The following ZBTB16 variants were observed in gnomAD, a reference collection of about 807,000 sequenced individuals.
The protein encoded by ZBTB16 is zinc finger and BTB domain containing 16.
In ZBTB16, 8 loss-of-function variants were observed where a neutral mutation model predicts 56.8. The ratio of observed to expected loss-of-function variants is 0.14; its 90% CI spans 0.08 to 0.25. The LOEUF is 0.25. Among genes scored for constraint, ZBTB16 ranks in the 10% least tolerant of loss-of-function variants. The probability of loss-of-function intolerance (pLI) is 1.00; values close to 1 mark genes in which losing one functional copy is unlikely to be tolerated. For missense variants in ZBTB16, 625 were observed against 903.0 expected, an observed-to-expected ratio of 0.69 and a Z score of 3.95; for synonymous variants, 363 against 368.5, an observed-to-expected ratio of 0.98 and a Z score of 0.17.
At chr11:114,205,572 C>T (rs1023458961) in intron 4 of ZBTB16, among the ~76,000 whole-genome samples, 1 of 152,102 alleles carries the variant, frequency 6.6e-6, no homozygotes, top group Non-Finnish European at 1.5e-5. Flanking sequence ...TCAGATGGGA[C>T]GCACGTTCCC....
chr11:114,139,045 C>T (rs1012788806), intron 2 of ZBTB16, among the ~76,000 whole-genome samples: 1 of 152,180 alleles, frequency 6.6e-6, no homozygotes, highest in Non-Finnish European at 1.5e-5. Flanking sequence ...CACCTGCTCT[C>T]TCAGCCCAGT....
intron 3 of ZBTB16, among the ~76,000 whole-genome samples, chr11:114,167,674 C>T (rs760425906): frequency 2.0e-5 from 3 of 152,054 alleles, no homozygotes; most frequent in East Asian, 1.9e-4. Flanking sequence ...TCCCAGCGAC[C>T]CCTCCTTCCT....
At chr11:114,236,327 T>A (rs1417029090) in intron 4 of ZBTB16, among the ~76,000 whole-genome samples, 8 of 152,156 alleles carry the variant, frequency 5.3e-5, no homozygotes, top group Non-Finnish European at 1.2e-4. Context: ...GAAACCAAGG[T>A]TAAGGACAAC....
chr11:114,173,797 C>A (rs1312688074), intron 3 of ZBTB16, among the ~76,000 whole-genome samples: 1 of 152,138 alleles, frequency 6.6e-6, no homozygotes, highest in Non-Finnish European at 1.5e-5. Flanking sequence ...ACCAGGAAAC[C>A]TTGTCTATAT....
intron 2 of ZBTB16, among the ~76,000 whole-genome samples, chr11:114,129,881 C>T (rs956206665): frequency 5.3e-5 from 8 of 152,196 alleles, no homozygotes; most frequent in Admixed American, 1.3e-4. Context: ...TCCTGCGGCC[C>T]GCTTTCTATC....
intron 5 of ZBTB16, among the ~76,000 whole-genome samples, chr11:114,242,840 C>T (rs1944739836): frequency 6.6e-6 from 1 of 152,172 alleles, no homozygotes; most frequent in Non-Finnish European, 1.5e-5. Context: ...TCCTACTTTC[C>T]CCACAGTAAC....
chr11:114,229,355 G>A (rs904257585), intron 4 of ZBTB16, among the ~76,000 whole-genome samples: 1 of 152,218 alleles, frequency 6.6e-6, no homozygotes. Context: ...GTGGGATAGA[G>A]AACAGCTAGC....
chr11:114,096,889 A>G (rs1248254326), intron 2 of ZBTB16, among the ~76,000 whole-genome samples: 1 of 152,194 alleles, frequency 6.6e-6, no homozygotes, highest in Non-Finnish European at 1.5e-5. Flanking sequence ...TGAAAGAACA[A>G]AAACATATTT....
intron 4 of ZBTB16, 84 bp from the exon 5 acceptor site, chr11:114,242,083 G>A (rs1021148606): frequency 1.8e-5 from 28 of 1,565,988 alleles, no homozygotes; most frequent in Admixed American, 6.8e-5. Flanking sequence ...TGTGAGTCCC[G>A]ACACTGGCTC....
intron 2 of ZBTB16, among the ~76,000 whole-genome samples, chr11:114,066,169 G>A (rs1172334821): frequency 1.3e-5 from 2 of 152,158 alleles, no homozygotes; most frequent in African/African-American, 4.8e-5. Flanking sequence ...TCAGGTACGG[G>A]GGATGTGAGT....
chr11:114,242,380 C>T (rs747317409), intron 5 of ZBTB16, 43 bp downstream of exon 5: 4 of 1,607,288 alleles, frequency 2.5e-6, no homozygotes, highest in Non-Finnish European at 3.4e-6. Context: ...TCTCTGGGAG[C>T]CAGCGTCTAT....
chr11:114,173,063 G>C (rs746621195), intron 3 of ZBTB16, among the ~76,000 whole-genome samples: 21 of 152,250 alleles, frequency 1.4e-4, no homozygotes, highest in Middle Eastern at 3.4e-3. Flanking sequence ...AACCTGCAAG[G>C]CTCTTTAGAT....
chr11:114,158,504 G>A (rs560781447), intron 3 of ZBTB16, among the ~76,000 whole-genome samples: 16 of 152,270 alleles, frequency 1.1e-4, no homozygotes, highest in East Asian at 3.9e-4. Flanking sequence ...AGAAGCAGTC[G>A]TGCCTTTTCT....
chr11:114,076,589 G>A (rs4020466), intron 2 of ZBTB16, among the ~76,000 whole-genome samples: 5 of 152,140 alleles, frequency 3.3e-5, no homozygotes, highest in South Asian at 2.1e-4. Context: ...TTAAGGATCC[G>A]CTAACATTTG....
intron 2 of ZBTB16, among the ~76,000 whole-genome samples, chr11:114,088,922 C>T (rs930302524): frequency 3.9e-5 from 6 of 152,164 alleles, no homozygotes; most frequent in African/African-American, 7.2e-5. Context: ...TGGGGGCCCC[C>T]CCACACAATG....
chr11:114,143,990 C>T lies in ZBTB16; in HGVS notation c.1269-12347C>T, dbSNP rs151288752. Reference sequence around the variant, plus strand: ...TTGCGTGTAAGGAGCAAGAGGAGCACGCAAGCTGCCTGGTGCTTTTCCCCA... The same window carrying T: ...TTGCGTGTAAGGAGCAAGAGGAGCATGCAAGCTGCCTGGTGCTTTTCCCCA... On this transcript the variant is annotated intron_variant, in intron 2 of 6. Transcript: ENST00000335953. The surrounding 1 kb of genome is among the most constrained non-coding windows in gnomAD (Gnocchi z 6.4). Among the ~76,000 whole-genome samples the T allele has an allele frequency of 3.9e-3, 594 of 152,220 alleles. 5 individuals are homozygous for T. The highest frequency in any genetic ancestry group is 0.014 in the African/African-American group (570 of 41,504).
intron 2 of ZBTB16, among the ~76,000 whole-genome samples, chr11:114,153,526 G>A (rs1348918025): frequency 3.9e-5 from 6 of 152,206 alleles, no homozygotes; most frequent in Non-Finnish European, 7.3e-5. Context: ...GGACAGGCTG[G>A]TGGTAACTTC....
rs962517561 is a variant in ZBTB16, at chr11:114,250,117, T to C, written c.1793-209T>C. On this transcript the variant is annotated intron_variant, in intron 6 of 6. Transcript: ENST00000335953. This position sits in a 1 kb window ranked among gnomAD's most constrained non-coding sequence, Gnocchi z 6.0. ...TTACAATGAAATAAAATTAGAAAAC[T>C]GTAGAGCTGCAGTCGCACCAGCCTC... Among the ~76,000 whole-genome samples, 22 of 152,184 alleles carry C rather than the reference T, an allele frequency of 1.4e-4. No homozygotes were observed. Among genetic ancestry groups the C allele is most frequent in the Non-Finnish European group, 4.4e-5 (3 of 68,032 alleles).
intron 2 of ZBTB16, among the ~76,000 whole-genome samples, chr11:114,076,536 A>C (rs1247871550): frequency 6.6e-6 from 1 of 152,216 alleles, no homozygotes; most frequent in Non-Finnish European, 1.5e-5. Flanking sequence ...TGTTCAATGC[A>C]AAAGTTAAAT....
Sources: allele counts gnomAD v4.1 joint callset (sites outside exome capture counted in the v4.1 genomes callset), GRCh38; gene constraint gnomAD v4.1.1; non-coding constraint Gnocchi (gnomAD v3.1); transcripts MANE v1.5; gene names NCBI Gene and HGNC (gene_info 2026-07-23, HGNC 2026-07-21).